Variants in FAM200B observed in about 807,000 individuals in gnomAD.
FAM200B encodes the protein zinc finger BED-type containing 11, also known as protein FAM200B.
In FAM200B, 32 loss-of-function variants were observed where a neutral mutation model predicts 33.1. The ratio of observed to expected loss-of-function variants is 0.97; its 90% CI spans 0.73 to 1.30. FAM200B has a LOEUF of 1.30. Ranked by LOEUF, FAM200B falls within the 50% of genes most tolerant of loss-of-function variation. FAM200B has a pLI of 0.00. For missense variants in FAM200B, 741 were observed against 754.0 expected, an observed-to-expected ratio of 0.98 and a Z score of 0.20; for synonymous variants, 240 against 264.8, an observed-to-expected ratio of 0.91 and a Z score of 0.91.
chr4:15,649,594 A>AAAAG, the FAM200B span, among the ~76,000 whole-genome samples: 28 of 150,734 alleles, frequency 1.9e-4, no homozygotes, highest in African/African-American at 6.4e-4. Context: ...AAAAAAAAAA[A>AAAAG]AAAGAAAGAA....
At chr4:15,683,297 A>G (rs1242096530) in intron 1 of FAM200B, among the ~76,000 whole-genome samples, 1 of 151,372 alleles carries the variant, frequency 6.6e-6, no homozygotes, top group East Asian at 2.0e-4. Flanking sequence ...CTCACATCCT[A>G]TTGAGTTAAA....
the FAM200B span, among the ~76,000 whole-genome samples, chr4:15,652,705 TAAA>T: frequency 1.3e-5 from 2 of 152,204 alleles, no homozygotes; most frequent in African/African-American, 2.4e-5. Flanking sequence ...TTGATGCTAG[TAAA>T]TAAATGGATG....
At chr4:15,650,017 A>G in the FAM200B span, among the ~76,000 whole-genome samples, 1 of 152,194 alleles carries the variant, frequency 6.6e-6, no homozygotes, top group Non-Finnish European at 1.5e-5. Flanking sequence ...CAGAAAGAAC[A>G]CTTGCTCTAA....
upstream of FAM200B, among the ~76,000 whole-genome samples, chr4:15,680,718 T>C (rs920716702): frequency 6.6e-6 from 1 of 151,980 alleles, no homozygotes; most frequent in Non-Finnish European, 1.5e-5. Flanking sequence ...CAAAAATTTT[T>C]AAAAATTTGA....
the FAM200B span, among the ~76,000 whole-genome samples, chr4:15,642,196 A>G: frequency 4.6e-5 from 7 of 151,790 alleles, no homozygotes; most frequent in Non-Finnish European, 8.8e-5. Context: ...CCCCACTTCT[A>G]TATCAGCCCT....
chr4:15,656,115 C>A, the FAM200B span: 3 of 452,504 alleles, frequency 6.6e-6, no homozygotes, highest in Non-Finnish European at 4.4e-6. Flanking sequence ...ATAGGCCCGA[C>A]GGGCCTTGGG....
chr4:15,684,018 A>G (rs558471583), intron 1 of FAM200B, among the ~76,000 whole-genome samples: 1 of 152,350 alleles, frequency 6.6e-6, no homozygotes, highest in East Asian at 1.9e-4. Context: ...GAAACTTTCA[A>G]CTACAAATAT....
chr4:15,663,870 G>A, the FAM200B span, among the ~76,000 whole-genome samples: 4 of 152,068 alleles, frequency 2.6e-5, no homozygotes, highest in Admixed American at 2.6e-4. Context: ...ACTGTTCATT[G>A]ACTTACCCTG....
At chr4:15,657,350 G>A in the FAM200B span, among the ~76,000 whole-genome samples, 5 of 152,176 alleles carry the variant, frequency 3.3e-5, no homozygotes, top group Admixed American at 6.5e-5. Flanking sequence ...TTGGAAAAAA[G>A]AATGAGGGTA....
the FAM200B span, chr4:15,655,212 A>G: frequency 7.0e-7 from 1 of 1,428,826 alleles, no homozygotes; most frequent in Non-Finnish European, 9.3e-7. Flanking sequence ...ACCTTGTCGC[A>G]GTAGAGCCCC....
the FAM200B span, chr4:15,655,503 C>G: frequency 4.4e-6 from 2 of 453,228 alleles, no homozygotes; most frequent in Non-Finnish European, 5.8e-6. Flanking sequence ...AGGCTCGCGG[C>G]TTCTGCCTCC....
chr4:15,655,912 C>G, the FAM200B span, among the ~76,000 whole-genome samples: 1 of 152,246 alleles, frequency 6.6e-6, no homozygotes, highest in Admixed American at 6.5e-5. Context: ...GTTGGTGAAC[C>G]AGAGCTGCGG....
At chr4:15,668,705 C>T in the FAM200B span, among the ~76,000 whole-genome samples, 2,794 of 152,120 alleles carry the variant, frequency 0.018, 50 homozygotes, top group Non-Finnish European at 0.027. Flanking sequence ...ATGCTGAACT[C>T]ACTGACAAAG....
the FAM200B span, chr4:15,641,702 C>T: frequency 4.6e-6 from 2 of 431,804 alleles, no homozygotes; most frequent in African/African-American, 4.5e-5. Flanking sequence ...CAACCCTAAT[C>T]CCCATGTTGT....
the FAM200B span, among the ~76,000 whole-genome samples, chr4:15,671,217 C>A: frequency 5.9e-5 from 9 of 151,970 alleles, no homozygotes; most frequent in African/African-American, 1.9e-4. Context: ...AGTCACTGCA[C>A]CTGGCCTGGG....
the FAM200B span, among the ~76,000 whole-genome samples, chr4:15,650,432 G>C: frequency 2.6e-5 from 4 of 151,992 alleles, no homozygotes; most frequent in African/African-American, 9.7e-5. Context: ...TTTTAATGCT[G>C]TTTCGGACCC....
chr4:15,686,874 G>A lies in FAM200B; in HGVS notation c.-104G>A. On this transcript the variant is annotated 5_prime_UTR_variant, in exon 2 of 2. Coordinates refer to ENST00000422728, the MANE Select transcript of FAM200B (RefSeq NM_001145191.2). ...TTCGATTCAATTGCAAACTTTGAGT[G>A]TAGTTTTTGAAAAGATGTTATTTAG... 1 of 543,794 alleles carries A rather than the reference G, an allele frequency of 1.8e-6. No individual in the cohort carries two copies. Among genetic ancestry groups the A allele is most frequent in the Admixed American group, 3.9e-5 (1 of 25,590 alleles). The allele number at this position is 543,794 out of a possible 1,614,324, so 33.7% of individuals were successfully genotyped here.
the FAM200B span, among the ~76,000 whole-genome samples, chr4:15,649,843 TAACA>T: frequency 2.6e-5 from 4 of 152,018 alleles, no homozygotes; most frequent in Non-Finnish European, 4.4e-5. Flanking sequence ...TTTTACAGAC[TAACA>T]AACAGAGTCT....
At chr4:15,657,360 A>G in the FAM200B span, among the ~76,000 whole-genome samples, 1 of 152,262 alleles carries the variant, frequency 6.6e-6, no homozygotes, top group Non-Finnish European at 1.5e-5. Flanking sequence ...GAATGAGGGT[A>G]GTTCATAGCA....
Sources: gnomAD v4.1 joint callset for allele counts (sites outside exome capture counted in the v4.1 genomes callset) on GRCh38, gnomAD v4.1.1 for gene constraint, MANE v1.5 for transcripts, NCBI Gene and HGNC (gene_info 2026-07-23, HGNC 2026-07-21) for gene names.